The following NDST1 variants were observed in gnomAD, a reference collection of about 807,000 sequenced individuals.
The protein encoded by NDST1 is bifunctional heparan sulfate N-deacetylase/N-sulfotransferase 1.
Under a neutral mutation model 92.8 loss-of-function variants are expected in NDST1, and 35 were observed. The observed-to-expected ratio is 0.38, with a 90% CI of 0.29 to 0.50. The LOEUF (loss-of-function observed/expected upper bound fraction) is 0.50, where lower values mean the gene tolerates loss of function less well. Among genes scored for constraint, NDST1 ranks in the 20% least tolerant of loss-of-function variants. The pLI is 0.94. For missense variants in NDST1, 822 were observed against 1,182.7 expected (o/e 0.69, Z 4.47); for synonymous variants, 493 against 500.3 (o/e 0.99, Z 0.19).
chr5:150,502,589 G>A (rs1267291272), intron 1 of NDST1, among the ~76,000 whole-genome samples: 3 of 152,130 alleles, frequency 2.0e-5, no homozygotes, highest in Non-Finnish European at 4.4e-5. Context: ...AGCAACAGGG[G>A]TTGTGTGAGG....
upstream of NDST1, among the ~76,000 whole-genome samples, chr5:150,504,465 G>A (rs185827678): frequency 8.5e-4 from 130 of 152,246 alleles, 1 homozygote; most frequent in Non-Finnish European, 6.6e-4. Context: ...CCCTCTTGTG[G>A]GCTCCCTAAG....
At chr5:150,511,164 A>T (rs1554091641) in intron 1 of NDST1, among the ~76,000 whole-genome samples, 1 of 152,208 alleles carries the variant, frequency 6.6e-6, no homozygotes, top group Non-Finnish European at 1.5e-5. Flanking sequence ...ATGGCATGTA[A>T]CGCAGACATG....
At chr5:150,518,128 ATGCT>A (rs1754067229) in intron 1 of NDST1, among the ~76,000 whole-genome samples, 1 of 152,078 alleles carries the variant, frequency 6.6e-6, no homozygotes, top group South Asian at 2.1e-4. Context: ...AGTGCCACAC[ATGCT>A]CTTATCTCCA....
At chr5:150,516,704 T>C (rs567466408) in intron 1 of NDST1, among the ~76,000 whole-genome samples, 15 of 152,296 alleles carry the variant, frequency 9.8e-5, no homozygotes, top group Middle Eastern at 6.8e-3. Flanking sequence ...CTCGCTCTAT[T>C]GCCCAGGCTG....
chr5:150,514,713 A>G (rs1344545865), intron 1 of NDST1, among the ~76,000 whole-genome samples: 1 of 152,224 alleles, frequency 6.6e-6, no homozygotes, highest in Non-Finnish European at 1.5e-5. Context: ...ACTCAAAGTC[A>G]GGAAGGAAAC....
At chr5:150,509,800 C>T (rs996767101) in intron 1 of NDST1, among the ~76,000 whole-genome samples, 5 of 152,238 alleles carry the variant, frequency 3.3e-5, no homozygotes, top group African/African-American at 1.2e-4. Flanking sequence ...GGGGCCACTG[C>T]CCCGAGCCGC....
At chr5:150,523,382 C>T (rs561286279) in intron 2 of NDST1, among the ~76,000 whole-genome samples, 4 of 152,320 alleles carry the variant, frequency 2.6e-5, no homozygotes, top group Admixed American at 6.5e-5. Flanking sequence ...AAGAGGCTGA[C>T]GTTTATTGAG....
intron 5 of NDST1, 185 bp downstream of exon 5, chr5:150,535,206 C>T (rs1293164408): frequency 4.8e-6 from 4 of 832,980 alleles, no homozygotes; most frequent in Non-Finnish European, 5.8e-6. Context: ...AGAATAACCC[C>T]TTTACAGACA....
At chr5:150,539,489 C>A (rs1187734512) in intron 7 of NDST1, 133 bp downstream of exon 7, 4 of 1,579,512 alleles carry the variant, frequency 2.5e-6, no homozygotes, top group Admixed American at 1.7e-5. Flanking sequence ...GGGAGACCCA[C>A]TCTCCAGCAC....
At chr5:150,535,513 C>T (rs1231841301) in intron 5 of NDST1, 187 bp from the exon 6 acceptor site, 8 of 697,960 alleles carry the variant, frequency 1.1e-5, no homozygotes, top group Non-Finnish European at 1.4e-5. Flanking sequence ...TGCCAGTTGC[C>T]CACACTGAGA....
At chr5:150,508,709 G>A (rs1159222133) in intron 1 of NDST1, among the ~76,000 whole-genome samples, 1 of 152,202 alleles carries the variant, frequency 6.6e-6, no homozygotes, top group Non-Finnish European at 1.5e-5. Flanking sequence ...GCCATGGCTT[G>A]TCAAAGCCAG....
At position 150,540,277 on chromosome 5, in the gene NDST1, G is replaced by A. The variant is rs1240245212; in HGVS notation, c.1749+13G>A. On this transcript the variant is annotated intron_variant, in intron 8 of 14. Coordinates refer to ENST00000261797, the MANE Select transcript of NDST1 (RefSeq NM_001543.5). ...CCCGCTCTGGCAGGTGGGGGGCTGG[G>A]CAGCCTGGGCAGGTTGCTACAGGGA... 1.9e-6 allele frequency: 3 copies of A among 1,589,984 alleles called. No individual in the cohort carries two copies. Among genetic ancestry groups the A allele is most frequent in the Non-Finnish European group, 2.6e-6 (3 of 1,166,248 alleles).
intron 1 of NDST1, 93 bp from the exon 2 acceptor site, chr5:150,520,775 T>C (rs1231806418): frequency 5.0e-6 from 2 of 397,464 alleles, no homozygotes; most frequent in African/African-American, 4.1e-5. Flanking sequence ...CGTACTTGCA[T>C]TTGGGCATTC....
upstream of NDST1, among the ~76,000 whole-genome samples, chr5:150,503,162 G>A (rs971462183): frequency 6.6e-6 from 1 of 152,196 alleles, no homozygotes; most frequent in Non-Finnish European, 1.5e-5. Context: ...AGCACTTAGT[G>A]CCAGGTGCAG....
intron 3 of NDST1, 101 bp downstream of exon 3, chr5:150,528,399 T>C (rs1754566956): frequency 2.3e-6 from 3 of 1,331,728 alleles, no homozygotes; most frequent in Non-Finnish European, 3.1e-6. Context: ...ATCTCCCCTA[T>C]GCTGGGAGTT....
rs55954668 is a variant in NDST1, at chr5:150,554,335, T to TTATATATA, written c.*1020_*1027dup. 1,084 of 138,290 alleles carry TTATATATA rather than the reference T, an allele frequency of 7.8e-3. 7 individuals are homozygous for TTATATATA. The highest frequency in any genetic ancestry group is 0.021 in the African/African-American group (762 of 35,878). The allele number at this position is 138,290 out of a possible 1,614,324, so 8.6% of individuals were successfully genotyped here. ...CCCTGGGTGCTGGGGTCGCACTGTG[T>TTATATATA]TATATATATATATATATATATATAA... is the stretch of plus-strand genomic sequence containing the variant. On this transcript the variant is annotated 3_prime_UTR_variant, in exon 15 of 15. Transcript: ENST00000261797.
At chr5:150,527,386 A>G (rs1004082455) in intron 2 of NDST1, among the ~76,000 whole-genome samples, 1 of 152,212 alleles carries the variant, frequency 6.6e-6, no homozygotes, top group African/African-American at 2.4e-5. Flanking sequence ...TCTTAGCCAC[A>G]TTTTACAGCA....
In NDST1 at chr5:150,527,903, C is replaced by T. The variant is rs762892510; in HGVS notation, c.613C>T (p.Pro205Ser). 8.1e-6 allele frequency: 13 copies of T among 1,614,212 alleles called. 1 individual carries two copies. In the South Asian group the frequency reaches 1.1e-4, roughly 14 times the overall value. The change falls in exon 3 of 15, where the codon CCG becomes TCG. Residue 205 changes from proline (P) to serine (S), a missense_variant. Pro to Ser is a moderately conservative substitution (Grantham distance 74). Coordinates refer to ENST00000261797, the MANE Select transcript of NDST1 (RefSeq NM_001543.5). ...GGACTGCAGCATCAACCCCAAGTCC[C>T]CGCTGCTCTACGTGACGCGACCTAG... ...LKDCSINPKS[P>S]LLYVTRPSEV...
intron 2 of NDST1, among the ~76,000 whole-genome samples, chr5:150,523,567 C>T (rs184869070): frequency 1.1e-4 from 16 of 152,316 alleles, no homozygotes; most frequent in Non-Finnish European, 1.8e-4. Context: ...TGAACTCAAG[C>T]AGTCCGGCCC....
Sources: allele counts gnomAD v4.1 joint callset (sites outside exome capture counted in the v4.1 genomes callset), GRCh38; gene constraint gnomAD v4.1.1; transcripts MANE v1.5; gene names NCBI Gene and HGNC (gene_info 2026-07-23, HGNC 2026-07-21).